The following TCP11L1 variants were observed in gnomAD, a reference collection of about 807,000 sequenced individuals.
The protein encoded by TCP11L1 is T-complex protein 11-like protein 1.
Under a neutral mutation model 48.9 loss-of-function variants are expected in TCP11L1, and 28 were observed. That is an observed-to-expected ratio of 0.57 (90% confidence interval 0.42 to 0.78). TCP11L1 has a LOEUF of 0.78. Among genes scored for constraint, TCP11L1 ranks in the 30% least tolerant of loss-of-function variants. The pLI, the probability that TCP11L1 is intolerant of heterozygous loss-of-function variation, is 0.00. For missense variants in TCP11L1, 505 were observed against 613.4 expected, an observed-to-expected ratio of 0.82 and a Z score of 1.87; for synonymous variants, 204 against 231.9, an observed-to-expected ratio of 0.88 and a Z score of 1.09.
At chr11:33,053,415 G>A (rs995538929) in intron 2 of TCP11L1, among the ~76,000 whole-genome samples, 4 of 152,228 alleles carry the variant, frequency 2.6e-5, no homozygotes, top group East Asian at 3.9e-4. Flanking sequence ...AAAGTGCTGG[G>A]ATTACAGGTG....
intron 3 of TCP11L1, among the ~76,000 whole-genome samples, chr11:33,055,004 T>C (rs1463831400): frequency 6.6e-6 from 1 of 152,230 alleles, no homozygotes; most frequent in East Asian, 1.9e-4. Context: ...TGCACTATAG[T>C]TGTTGGTTTC....
chr11:33,057,365 A>G, intron 4 of TCP11L1, 130 bp downstream of exon 4: 2 of 1,459,984 alleles, frequency 1.4e-6, no homozygotes, highest in Non-Finnish European at 1.9e-6. Flanking sequence ...CAGAAGGTGG[A>G]TCAAGAGTGT....
chr11:33,047,220 A>AG (rs1854023458), intron 2 of TCP11L1, among the ~76,000 whole-genome samples: 1 of 152,012 alleles, frequency 6.6e-6, no homozygotes, highest in Non-Finnish European at 1.5e-5. Flanking sequence ...TCTCAAGAAA[A>AG]AAAAAAAAAG....
At chr11:33,042,157 GTC>G (rs1853854542) in intron 1 of TCP11L1, among the ~76,000 whole-genome samples, 2 of 152,106 alleles carry the variant, frequency 1.3e-5, no homozygotes, top group Admixed American at 1.3e-4. Context: ...TTTAGACAGA[GTC>G]TCAGTCTGTT....
chr11:33,046,226 A>T (rs1964136), intron 2 of TCP11L1, among the ~76,000 whole-genome samples: 107,355 of 152,252 alleles, frequency 0.71, 38,041 homozygotes, highest in East Asian at 0.87. Flanking sequence ...TTTTACATTA[A>T]GTGAGACATG....
At position 33,055,980 on chromosome 11, in the gene TCP11L1, G is replaced by C. The variant is rs188800688; in HGVS notation, c.297-1135G>C. Among the ~76,000 whole-genome samples the C allele has an allele frequency of 1.5e-4, 23 of 152,232 alleles. No homozygotes were observed. The East Asian group carries it at 3.3e-3, about 22-fold the overall frequency. ...TTATAGGCGTGCGCCACCATGCCCA[G>C]CTAATTTTTGTATTTGTAGTAGAGA... On this transcript the variant is annotated intron_variant, in intron 3 of 9. Coordinates refer to ENST00000334274, the MANE Select transcript of TCP11L1 (RefSeq NM_018393.4).
At chr11:33,066,158 T>C in intron 8 of TCP11L1, 147 bp downstream of exon 8, 1 of 1,042,896 alleles carries the variant, frequency 9.6e-7, no homozygotes, top group Non-Finnish European at 1.4e-6. Flanking sequence ...GTTGGTTCAC[T>C]TGGCGAAGAC....
At chr11:33,068,984 A>C in intron 9 of TCP11L1, 125 bp downstream of exon 9, 1 of 1,262,068 alleles carries the variant, frequency 7.9e-7, no homozygotes. Context: ...TGGTGTAATG[A>C]AGCACCACAG....
At chr11:33,041,929 C>G (rs921029004) in intron 1 of TCP11L1, among the ~76,000 whole-genome samples, 2 of 152,170 alleles carry the variant, frequency 1.3e-5, no homozygotes, top group Admixed American at 1.3e-4. Flanking sequence ...TTTTGATCAC[C>G]TGATTACCTT....
intron 2 of TCP11L1, among the ~76,000 whole-genome samples, chr11:33,044,524 G>T (rs751022790): frequency 6.6e-6 from 1 of 152,200 alleles, no homozygotes; most frequent in African/African-American, 2.4e-5. Context: ...GCATTTTGAA[G>T]TGAGTCCAAA....
intron 1 of TCP11L1, among the ~76,000 whole-genome samples, chr11:33,041,711 G>T (rs1326612877): frequency 5.9e-5 from 9 of 151,848 alleles, no homozygotes; most frequent in African/African-American, 1.7e-4. Flanking sequence ...AGCCGAGATG[G>T]TGCCACTGCA....
At position 33,050,765 on chromosome 11, in the gene TCP11L1, CCTAT is replaced by C. The variant is rs1372140344; in HGVS notation, c.164-3824_164-3821del. Among the ~76,000 whole-genome samples the C allele has an allele frequency of 2.0e-5, 3 of 151,956 alleles. 1 individual carries two copies. In the East Asian group the frequency reaches 5.8e-4, roughly 29 times the overall value. ...ATTTTGTAGTTTGAGTTTTTTGTAT[CCTAT>C]CTAAGAAATCTTTGCCTAATCCAAG... On this transcript the variant is annotated intron_variant, in intron 2 of 9. Coordinates refer to ENST00000334274, the MANE Select transcript of TCP11L1 (RefSeq NM_018393.4).
chr11:33,045,418 G>A (rs1428284553), intron 2 of TCP11L1, among the ~76,000 whole-genome samples: 1 of 151,584 alleles, frequency 6.6e-6, no homozygotes, highest in Non-Finnish European at 1.5e-5. Context: ...TGGGAGGCGG[G>A]GACAGGAGGA....
chr11:33,054,614 C>T lies in TCP11L1; in HGVS notation c.185C>T (p.Thr62Ile). The T allele has an allele frequency of 6.2e-7, 1 of 1,613,458 alleles. No homozygotes were observed. Among genetic ancestry groups the T allele is most frequent in the Middle Eastern group, 1.6e-4 (1 of 6,062 alleles). The change falls in exon 3 of 10, where the codon ACA becomes ATA. Residue 62 changes from threonine to isoleucine, a missense_variant. By Grantham distance (89) the Thr-to-Ile change is moderately conservative. Coordinates refer to ENST00000334274, the MANE Select transcript of TCP11L1 (RefSeq NM_018393.4). Reference sequence around the variant, plus strand: ...ACAGCTAGTCCTCCTCGCTTTGTGACAGTAGAAGAACTTCTAGAGACAGCG... The same window carrying T: ...ACAGCTAGTCCTCCTCGCTTTGTGATAGTAGAAGAACTTCTAGAGACAGCG... ...RPHSSPPRFV[T>I]VEELLETARG...
At chr11:33,049,439 G>A (rs1854092759) in intron 2 of TCP11L1, among the ~76,000 whole-genome samples, 1 of 152,130 alleles carries the variant, frequency 6.6e-6, no homozygotes, top group Non-Finnish European at 1.5e-5. Context: ...AAAGTATAGA[G>A]AAAGAAAAGT....
chr11:33,071,661 G>A (rs185227081), intron 9 of TCP11L1, among the ~76,000 whole-genome samples: 2 of 152,308 alleles, frequency 1.3e-5, no homozygotes, highest in South Asian at 2.1e-4. Context: ...AAGGAAGCAC[G>A]AGCTGCTTTC....
chr11:33,050,341 C>A (rs1854122080), intron 2 of TCP11L1, among the ~76,000 whole-genome samples: 1 of 152,206 alleles, frequency 6.6e-6, no homozygotes, highest in African/African-American at 2.4e-5. Flanking sequence ...CTCTGAGTTT[C>A]TTCTTAAGGG....
intron 2 of TCP11L1, among the ~76,000 whole-genome samples, chr11:33,046,751 G>A (rs528470202): frequency 6.6e-6 from 1 of 152,166 alleles, no homozygotes; most frequent in African/African-American, 2.4e-5. Context: ...GCATAAATAA[G>A]GATTTACAAA....
chr11:33,058,981 C>T lies in TCP11L1; in HGVS notation c.661C>T (p.Leu221=). The change falls in exon 6 of 10, where the codon CTA becomes TTA. Residue 221 remains leucine, a synonymous_variant. Coordinates refer to ENST00000334274, the MANE Select transcript of TCP11L1 (RefSeq NM_018393.4). ...LFREIFSVLD[L]MKVDMANFAI... ...CAGAGAAATTTTTTCTGTGTTGGACCTAATGAAAGTGGACATGGCCAACTT... is the reference window on the plus strand; with the variant it reads ...CAGAGAAATTTTTTCTGTGTTGGACTTAATGAAAGTGGACATGGCCAACTT... 1 of 1,613,908 alleles carries T rather than the reference C, an allele frequency of 6.2e-7. No homozygotes were observed. The highest frequency in any genetic ancestry group is 8.5e-7 in the Non-Finnish European group (1 of 1,179,904).
Sources: gnomAD v4.1 joint callset for allele counts (sites outside exome capture counted in the v4.1 genomes callset) on GRCh38, gnomAD v4.1.1 for gene constraint, MANE v1.5 for transcripts, NCBI Gene and HGNC (gene_info 2026-07-23, HGNC 2026-07-21) for gene names.